Variants in C8A observed in about 807,000 individuals in gnomAD.
C8A encodes complement component C8 alpha chain.
In C8A, 67 loss-of-function variants were observed where a neutral mutation model predicts 65.3. The observed-to-expected ratio is 1.03, with a 90% CI of 0.84 to 1.26. C8A has a LOEUF of 1.26. C8A is among the 50% of genes most tolerant of loss of function. The pLI is 0.00. For synonymous variants in C8A, 290 were observed against 259.4 expected, an observed-to-expected ratio of 1.12 and a Z score of -1.13; for missense variants, 781 against 723.9, an observed-to-expected ratio of 1.08 and a Z score of -0.90.
chr1:56,880,862 G>T (rs1448668421), intron 4 of C8A, among the ~76,000 whole-genome samples: 1 of 152,134 alleles, frequency 6.6e-6, no homozygotes, highest in Non-Finnish European at 1.5e-5. Flanking sequence ...CTAAACCGAG[G>T]CACAGAGAGG....
chr1:56,861,879 C>G (rs758231605), intron 1 of C8A, among the ~76,000 whole-genome samples: 1 of 152,134 alleles, frequency 6.6e-6, no homozygotes, highest in Non-Finnish European at 1.5e-5. Context: ...GACTTTCTGA[C>G]CTTCTAGCCT....
chr1:56,881,758 GTCTC>G, intron 5 of C8A, 124 bp downstream of exon 5: 3 of 913,266 alleles, frequency 3.3e-6, no homozygotes, highest in Non-Finnish European at 3.5e-6. Flanking sequence ...GGTGTCTGAA[GTCTC>G]CTTCATACCC....
chr1:56,877,331 C>T (rs1644208108), intron 4 of C8A, among the ~76,000 whole-genome samples: 1 of 152,104 alleles, frequency 6.6e-6, no homozygotes, highest in Non-Finnish European at 1.5e-5. Context: ...GTAACAGCCC[C>T]CTCCCCTGCT....
intron 7 of C8A, among the ~76,000 whole-genome samples, chr1:56,904,643 C>T (rs936786581): frequency 1.3e-5 from 2 of 152,156 alleles, no homozygotes; most frequent in African/African-American, 4.8e-5. Context: ...CATTTTTTAA[C>T]TGTATGGCCT....
At position 56,881,410 on chromosome 1, in the gene C8A, C is replaced by T. The variant is rs753577756; in HGVS notation, c.465-35C>T. On this transcript the variant is annotated intron_variant, in intron 4 of 10. Transcript: ENST00000361249. ...TCACCCAGGTATAAAACCCAGCATC[C>T]ACTAGCTATTTAGAAGCTGCTTTGT... is the stretch of plus-strand genomic sequence containing the variant. The T allele has an allele frequency of 5.0e-6, 8 of 1,605,952 alleles. No individual in the cohort carries two copies. The South Asian group carries it at 8.8e-5, about 18-fold the overall frequency.
intron 2 of C8A, among the ~76,000 whole-genome samples, chr1:56,869,427 G>A (rs1644121493): frequency 6.6e-6 from 1 of 152,106 alleles, no homozygotes; most frequent in African/African-American, 2.4e-5. Flanking sequence ...TGGTTGATGG[G>A]CATTTGGGTT....
chr1:56,867,243 G>A (rs1380163870), intron 1 of C8A, among the ~76,000 whole-genome samples: 3 of 152,118 alleles, frequency 2.0e-5, no homozygotes, highest in Non-Finnish European at 4.4e-5. Context: ...AGTTTTCAAA[G>A]TCAGCAAGTG....
At chr1:56,865,181 G>T (rs1350251614) in intron 1 of C8A, among the ~76,000 whole-genome samples, 1 of 152,176 alleles carries the variant, frequency 6.6e-6, no homozygotes, top group Non-Finnish European at 1.5e-5. Context: ...TATGATGGTT[G>T]TCTTGAGGAA....
In C8A at chr1:56,881,458, A is replaced by G. The variant is rs2101232145; in HGVS notation, c.478A>G (p.Thr160Ala). ...TGTTCCATGTAGGTACAATATCCTGACCCAGGAAGATGCTCAGAGTGTGTA... is the reference window on the plus strand; with the variant it reads ...TGTTCCATGTAGGTACAATATCCTGGCCCAGGAAGATGCTCAGAGTGTGTA... ...QKAALGYNIL[T>A]QEDAQSVYDA... The change falls in exon 5 of 11, where the codon ACC becomes GCC. Residue 160 changes from threonine to alanine, a missense_variant. By Grantham distance (58) the Thr-to-Ala change is moderately conservative. Coordinates refer to ENST00000361249, the MANE Select transcript of C8A (RefSeq NM_000562.3). The G allele has an allele frequency of 6.2e-7, 1 of 1,613,564 alleles. No individual in the cohort carries two copies.
At chr1:56,914,860 T>G (rs1448423272) in intron 10 of C8A, among the ~76,000 whole-genome samples, 1 of 151,904 alleles carries the variant, frequency 6.6e-6, no homozygotes, top group Non-Finnish European at 1.5e-5. Context: ...GTATTTTTAC[T>G]GGAGATGGGT....
chr1:56,908,352 C>T (rs895462148), intron 9 of C8A, among the ~76,000 whole-genome samples: 6 of 152,130 alleles, frequency 3.9e-5, no homozygotes, highest in Non-Finnish European at 8.8e-5. Context: ...TTACACTGCT[C>T]ATCCCAGAAG....
Position 56,908,033 on chromosome 1 carries a change from TTGGCACAGAACAGGAGCA to T in C8A, c.1301_1318del (p.Leu434_Thr440delinsSer). 1 of 1,614,162 alleles carries T rather than the reference TTGGCACAGAACAGGAGCA, an allele frequency of 6.2e-7. No homozygotes were observed. The highest frequency in any genetic ancestry group is 8.5e-7 in the Non-Finnish European group (1 of 1,180,014). On this transcript the variant is annotated inframe_deletion, in exon 9 of 11. Coordinates refer to ENST00000361249, the MANE Select transcript of C8A (RefSeq NM_000562.3). ...TGGCAGTTCTGGCTGGAGCGGTGGC[TTGGCACAGAACAGGAGCA>T]CCATTACATACCGTTCCTGGGGGAG...
Position 56,885,971 on chromosome 1 carries a change from T to C in C8A, c.900T>C (p.His300=). The part of the protein sequence containing the change: ...TRIFTKVQTA[H]FKMRKDDIML... ...TCTTCACAAAGGTGCAGACTGCACA[T>C]TTTAAGATGAGGAAGGATGACATTA... Residue 300 remains histidine (H), a synonymous_variant, in exon 7 of 11, where the codon CAT becomes CAC. Coordinates refer to ENST00000361249, the MANE Select transcript of C8A (RefSeq NM_000562.3). 1 of 1,614,004 alleles carries C rather than the reference T, an allele frequency of 6.2e-7. No individual in the cohort carries two copies. The highest frequency in any genetic ancestry group is 8.5e-7 in the Non-Finnish European group (1 of 1,179,922).
chr1:56,894,178 ACACC>A (rs1436587154), intron 7 of C8A, among the ~76,000 whole-genome samples: 14 of 152,242 alleles, frequency 9.2e-5, no homozygotes, highest in African/African-American at 3.1e-4. Flanking sequence ...AGTTCTGCAA[ACACC>A]CAGCTCTGAA....
Position 56,885,298 on chromosome 1 carries a change from TTA to T in C8A, c.856-621_856-620del, listed in dbSNP as rs529995665. ...AATATATATTTACATAAATATATAT[TTA>T]TATATATTTACATAAATATATTTAT... On this transcript the variant is annotated intron_variant, in intron 6 of 10. Transcript: ENST00000361249. Among the ~76,000 whole-genome samples the T allele has an allele frequency of 9.7e-4, 125 of 128,526 alleles. 4 individuals carry two copies. Among genetic ancestry groups the T allele is most frequent in the South Asian group, 9.0e-3 (39 of 4,346 alleles). 84.3% of individuals were successfully genotyped at this position (128,526 alleles called of 152,430 possible). A position where few individuals can be genotyped will look rare whatever the true frequency, so the allele number is the denominator to read the frequency against.
At chr1:56,895,710 T>G (rs1160142688) in intron 7 of C8A, among the ~76,000 whole-genome samples, 1 of 152,124 alleles carries the variant, frequency 6.6e-6, no homozygotes, top group Non-Finnish European at 1.5e-5. Context: ...AGGCCAAGTC[T>G]GGAGGATCAT....
chr1:56,903,424 C>T (rs1644441395), intron 7 of C8A, among the ~76,000 whole-genome samples: 1 of 152,180 alleles, frequency 6.6e-6, no homozygotes, highest in Non-Finnish European at 1.5e-5. Context: ...CTTCCCCAGC[C>T]ATGCTGCACT....
chr1:56,912,097 G>C (rs574203961), intron 9 of C8A, among the ~76,000 whole-genome samples: 1 of 152,214 alleles, frequency 6.6e-6, no homozygotes, highest in Non-Finnish European at 1.5e-5. Context: ...TCACGTCCTA[G>C]CTGTGTGGGC....
At chr1:56,872,895 G>A (rs1317993650) in intron 2 of C8A, among the ~76,000 whole-genome samples, 4 of 146,664 alleles carry the variant, frequency 2.7e-5, no homozygotes, top group African/African-American at 9.8e-5. Context: ...GACATAAAGA[G>A]AGGAAAAAAA....
Sources: gnomAD v4.1 joint callset for allele counts (sites outside exome capture counted in the v4.1 genomes callset) on GRCh38, gnomAD v4.1.1 for gene constraint, MANE v1.5 for transcripts, NCBI Gene and HGNC (gene_info 2026-07-23, HGNC 2026-07-21) for gene names.